The following CCDC191 variants were observed in gnomAD, a reference collection of about 807,000 sequenced individuals.
The protein encoded by CCDC191 is coiled-coil domain-containing protein 191.
A neutral mutation model predicts 114.0 loss-of-function variants in CCDC191; 99 were observed. That is an observed-to-expected ratio of 0.87 (90% CI 0.74 to 1.03). The LOEUF (loss-of-function observed/expected upper bound fraction) is 1.03, where lower values mean the gene tolerates loss of function less well. CCDC191 is among the 50% of genes least tolerant of loss of function. The pLI is 0.00. For synonymous variants in CCDC191, 351 were observed against 376.0 expected (o/e 0.93, Z 0.77); for missense variants, 973 against 1,087.0 (o/e 0.90, Z 1.47).
chr3:114,006,346 G>C (rs1054185899), intron 9 of CCDC191, among the ~76,000 whole-genome samples: 1 of 151,866 alleles, frequency 6.6e-6, no homozygotes, highest in African/African-American at 2.4e-5. Flanking sequence ...CTACTCAGGA[G>C]GCTGATGCAG....
At chr3:113,991,015 A>G (rs1346352771) in intron 13 of CCDC191, among the ~76,000 whole-genome samples, 1 of 150,956 alleles carries the variant, frequency 6.6e-6, no homozygotes, top group Admixed American at 6.6e-5. Flanking sequence ...AAGTGGGCGG[A>G]TCACAAGGTT....
At chr3:114,001,321 A>G (rs1470271564) in intron 13 of CCDC191, among the ~76,000 whole-genome samples, 1 of 152,206 alleles carries the variant, frequency 6.6e-6, no homozygotes, top group Non-Finnish European at 1.5e-5. Flanking sequence ...TCTGAAGGGA[A>G]GATACTTGAT....
At position 114,031,636 on chromosome 3, in the gene CCDC191, T is replaced by G; in HGVS notation, c.962A>C (p.Glu321Ala). ...CATTGCAATTCCCACCTGTTGATTT[T>G]CTTTGAAAGTTTGGATTAATACTTC... ...LKEVLIQTFK[E>A]NQQCQKRYFA... Residue 321 changes from glutamate (E) to alanine (A), a missense_variant, in exon 7 of 17, where the codon GAA becomes GCA. Physicochemically the swap from Glu to Ala is moderately radical, Grantham distance 107. Coordinates refer to ENST00000295878, the MANE Select transcript of CCDC191 (RefSeq NM_020817.2). The G allele has an allele frequency of 1.2e-6, 2 of 1,610,612 alleles. No homozygotes were observed. The highest frequency in any genetic ancestry group is 1.7e-6 in the Non-Finnish European group (2 of 1,177,008).
intron 13 of CCDC191, among the ~76,000 whole-genome samples, chr3:113,987,278 A>T (rs1426064756): frequency 6.6e-6 from 1 of 152,214 alleles, no homozygotes; most frequent in African/African-American, 2.4e-5. Context: ...TGGTAAAGAA[A>T]GTTCTTCAGG....
chr3:114,055,314 T>G (rs2076755195), intron 1 of CCDC191, among the ~76,000 whole-genome samples: 1 of 152,204 alleles, frequency 6.6e-6, no homozygotes, highest in Non-Finnish European at 1.5e-5. Context: ...ATTCTAAATT[T>G]TTACCTTTCA....
At chr3:114,009,041 A>G (rs938682298) in intron 9 of CCDC191, among the ~76,000 whole-genome samples, 3 of 152,160 alleles carry the variant, frequency 2.0e-5, no homozygotes, top group Non-Finnish European at 4.4e-5. Flanking sequence ...CATGGGAAGT[A>G]TTTGCATATC....
intron 7 of CCDC191, among the ~76,000 whole-genome samples, chr3:114,025,589 G>A (rs1020533499): frequency 1.3e-5 from 2 of 152,136 alleles, no homozygotes; most frequent in African/African-American, 4.8e-5. Flanking sequence ...GAATTCCTTA[G>A]TCTCACCAAA....
At chr3:114,040,749 G>T (rs187142721) in intron 4 of CCDC191, among the ~76,000 whole-genome samples, 1 of 151,944 alleles carries the variant, frequency 6.6e-6, no homozygotes, top group African/African-American at 2.4e-5. Flanking sequence ...CATTTGGACT[G>T]GAGTGTTTAA....
chr3:114,002,430 C>T (rs1441259807), intron 12 of CCDC191, 26 bp downstream of exon 12: 1 of 1,504,640 alleles, frequency 6.6e-7, no homozygotes, highest in Middle Eastern at 1.7e-4. Context: ...TCTTTTTTGA[C>T]TCAGTTTGCA....
intron 13 of CCDC191, among the ~76,000 whole-genome samples, chr3:113,991,138 A>C (rs1318770094): frequency 1.3e-5 from 2 of 151,548 alleles, no homozygotes; most frequent in Non-Finnish European, 2.9e-5. Flanking sequence ...CAGGAGGCCA[A>C]GGCAGGAGAA....
In CCDC191 at chr3:113,972,805, T is replaced by C. The variant is rs77851410; in HGVS notation, c.2606+5381A>G. ...CTGAATTGACCTCTTTATCATTATA[T>C]AATGACCTTTCTTTATTTCTCTTTA... is the stretch of plus-strand genomic sequence containing the variant. On this transcript the variant is annotated intron_variant, in intron 16 of 16. Coordinates refer to ENST00000295878, the MANE Select transcript of CCDC191 (RefSeq NM_020817.2). Among the ~76,000 whole-genome samples, 10 of 152,318 alleles carry C rather than the reference T, an allele frequency of 6.6e-5. No homozygotes were observed. The East Asian group carries it at 1.7e-3, about 26-fold the overall frequency.
chr3:114,015,211 G>A (rs1369851165), intron 8 of CCDC191, among the ~76,000 whole-genome samples: 9 of 151,966 alleles, frequency 5.9e-5, no homozygotes, highest in Non-Finnish European at 1.3e-4. Flanking sequence ...CAGTAACAAA[G>A]AACGAAGGGC....
chr3:114,016,925 TA>T (rs2076167879), intron 8 of CCDC191, among the ~76,000 whole-genome samples: 1 of 152,152 alleles, frequency 6.6e-6, no homozygotes, highest in Non-Finnish European at 1.5e-5. Context: ...CCTTTCTGAG[TA>T]AGCTATCATC....
chr3:114,038,887 G>A (rs1030082296), intron 4 of CCDC191, among the ~76,000 whole-genome samples: 10 of 152,134 alleles, frequency 6.6e-5, no homozygotes, highest in African/African-American at 2.4e-4. Flanking sequence ...TGTCATGGGT[G>A]GCAGGGGGAG....
chr3:114,005,947 G>A lies in CCDC191; in HGVS notation c.1429C>T (p.Pro477Ser), dbSNP rs575617276. 3.0e-5 allele frequency: 49 copies of A among 1,613,792 alleles called. No individual in the cohort carries two copies. In the Admixed American group the frequency reaches 3.3e-4, roughly 11 times the overall value. Residue 477 changes from proline (P) to serine (S), a missense_variant, in exon 10 of 17, where the codon CCT becomes TCT. Coordinates refer to ENST00000295878, the MANE Select transcript of CCDC191 (RefSeq NM_020817.2). ...CCCAAGGGAGGCTTTTCCCACAAAGGGGGCACAGCAGTCTCCTGAGAGAGA... is the reference window on the plus strand; with the variant it reads ...CCCAAGGGAGGCTTTTCCCACAAAGAGGGCACAGCAGTCTCCTGAGAGAGA... The part of the protein sequence containing the change: ...VKNGQETAVP[P>S]LWEKPPLGSS...
chr3:114,041,699 TC>T (rs1218301524), intron 4 of CCDC191, among the ~76,000 whole-genome samples: 1 of 152,016 alleles, frequency 6.6e-6, no homozygotes, highest in Admixed American at 6.6e-5. Flanking sequence ...TTTTGCAGAG[TC>T]CTAAACAAGG....
chr3:114,047,039 C>T (rs1038817753), intron 2 of CCDC191: 2 of 951,176 alleles, frequency 2.1e-6, no homozygotes, highest in African/African-American at 3.5e-5. Context: ...GATCCTGAGA[C>T]ATGGATATTT....
intron 10 of CCDC191, 127 bp from the exon 11 acceptor site, chr3:114,004,873 T>TTATGGAGTGGATATA: frequency 1.0e-6 from 1 of 954,312 alleles, no homozygotes; most frequent in Non-Finnish European, 1.5e-6. Flanking sequence ...AACTACATAT[T>TTATGGAGTGGATATA]ATATCCACTC....
At chr3:114,034,287 C>T (rs1284943052) in intron 6 of CCDC191, among the ~76,000 whole-genome samples, 1 of 152,122 alleles carries the variant, frequency 6.6e-6, no homozygotes, top group Non-Finnish European at 1.5e-5. Flanking sequence ...GCAAACTAAT[C>T]AATGTAATAC....
Sources: gnomAD v4.1 joint callset for allele counts (sites outside exome capture counted in the v4.1 genomes callset) on GRCh38, gnomAD v4.1.1 for gene constraint, MANE v1.5 for transcripts, NCBI Gene and HGNC (gene_info 2026-07-23, HGNC 2026-07-21) for gene names.